Variants in CAMKMT observed in about 807,000 individuals in gnomAD.
CAMKMT encodes the protein calmodulin-lysine N-methyltransferase, also known as CaM KMT.
CAMKMT carries 53 observed loss-of-function variants against 48.0 expected under a neutral mutation model. The ratio of observed to expected loss-of-function variants is 1.10; its 90% CI spans 0.89 to 1.39. CAMKMT has a LOEUF of 1.39. Among genes scored for constraint, CAMKMT ranks in the 40% most tolerant of loss-of-function variants. The probability of loss-of-function intolerance (pLI) is 0.00; values close to 1 mark genes in which losing one functional copy is unlikely to be tolerated. For missense variants in CAMKMT, 428 were observed against 402.7 expected (o/e 1.06, Z -0.54); for synonymous variants, 165 against 152.3 (o/e 1.08, Z -0.61).
intron 9 of CAMKMT, among the ~76,000 whole-genome samples, chr2:44,765,163 G>A (rs1274618632): frequency 6.6e-6 from 1 of 152,132 alleles, no homozygotes; most frequent in African/African-American, 2.4e-5. Context: ...AGGAGGCAGA[G>A]GTTCCAGTGA....
intron 3 of CAMKMT, among the ~76,000 whole-genome samples, chr2:44,580,821 G>A (rs1669515309): frequency 6.6e-6 from 1 of 152,174 alleles, no homozygotes; most frequent in Non-Finnish European, 1.5e-5. Context: ...TTATTTGCTA[G>A]CATTGATCTG....
chr2:44,658,836 T>C (rs1674517851), intron 3 of CAMKMT, among the ~76,000 whole-genome samples: 1 of 152,166 alleles, frequency 6.6e-6, no homozygotes, highest in African/African-American at 2.4e-5. Context: ...GTGGGAGCCA[T>C]TTCATTCATG....
At chr2:44,496,625 C>A (rs1453195282) in intron 3 of CAMKMT, among the ~76,000 whole-genome samples, 1 of 152,142 alleles carries the variant, frequency 6.6e-6, no homozygotes, top group East Asian at 1.9e-4. Flanking sequence ...GATAACCAAG[C>A]CTTTTAGGTA....
intron 6 of CAMKMT, among the ~76,000 whole-genome samples, chr2:44,712,802 C>T (rs952400207): frequency 1.2e-4 from 19 of 152,116 alleles, no homozygotes; most frequent in South Asian, 2.1e-4. Flanking sequence ...GATTGGATTT[C>T]CTTTATTACA....
In CAMKMT at chr2:44,523,459, A is replaced by AT. The variant is rs1234885544; in HGVS notation, c.376+133160dup. On this transcript the variant is annotated intron_variant, in intron 3 of 10. Transcript: ENST00000378494. ...AGGTGCCTGCCACCACACCCAGCTA[A>AT]TTTTTTGCATTTTTTTGTAGAGAAA... 4.6e-5 allele frequency among the ~76,000 whole-genome samples: 7 copies of AT among 151,614 alleles called. No homozygotes were observed. The South Asian group carries it at 1.0e-3, about 23-fold the overall frequency.
intron 3 of CAMKMT, among the ~76,000 whole-genome samples, chr2:44,685,704 A>G (rs1469663811): frequency 3.9e-5 from 6 of 152,176 alleles, no homozygotes; most frequent in Non-Finnish European, 7.3e-5. Context: ...GTGGTTCTCA[A>G]CTCATGCTGC....
At chr2:44,432,217 TC>T (rs966382950) in intron 3 of CAMKMT, among the ~76,000 whole-genome samples, 26 of 152,298 alleles carry the variant, frequency 1.7e-4, no homozygotes, top group African/African-American at 6.0e-4. Context: ...AGAGAAATGT[TC>T]CAGTGGTCTT....
chr2:44,460,709 A>ATAGAT (rs941677151), intron 3 of CAMKMT, among the ~76,000 whole-genome samples: 1 of 144,714 alleles, frequency 6.9e-6, no homozygotes, highest in Non-Finnish European at 1.5e-5. Context: ...TCAGTGAGTG[A>ATAGAT]TAGATTCTTT....
chr2:44,437,198 C>T (rs1003881141), intron 3 of CAMKMT, among the ~76,000 whole-genome samples: 1 of 152,054 alleles, frequency 6.6e-6, no homozygotes, highest in Admixed American at 6.5e-5. Flanking sequence ...GTTCTTTATC[C>T]TTCTTAAGAA....
intron 8 of CAMKMT, among the ~76,000 whole-genome samples, chr2:44,748,387 G>C (rs1225714743): frequency 6.6e-6 from 1 of 152,032 alleles, no homozygotes; most frequent in Non-Finnish European, 1.5e-5. Context: ...CAGTTCTTAA[G>C]GTGCTGTTCA....
chr2:44,463,522 G>A (rs918538361), intron 3 of CAMKMT, among the ~76,000 whole-genome samples: 2 of 152,130 alleles, frequency 1.3e-5, no homozygotes, highest in Non-Finnish European at 2.9e-5. Context: ...TTTTTAGGGG[G>A]TGAAAAAGTA....
In CAMKMT at chr2:44,657,808, A is replaced by C. The variant is rs949815720; in HGVS notation, c.377-46475A>C. On this transcript the variant is annotated intron_variant, in intron 3 of 10. Coordinates refer to ENST00000378494, the MANE Select transcript of CAMKMT (RefSeq NM_024766.5). This position sits in a 1 kb window ranked among gnomAD's most constrained non-coding sequence, Gnocchi z 4.3. ...CTCAAACATTTCTGCTAACCAAAGA[A>C]GGAAAATGAGATTGTACCCCTTTAG... is the stretch of plus-strand genomic sequence containing the variant. 7.2e-5 allele frequency among the ~76,000 whole-genome samples: 11 copies of C among 152,216 alleles called. No individual in the cohort carries two copies. The highest frequency in any genetic ancestry group is 5.2e-4 in the Admixed American group (8 of 15,286).
intron 3 of CAMKMT, among the ~76,000 whole-genome samples, chr2:44,462,853 T>C (rs1667919596): frequency 6.6e-6 from 1 of 152,230 alleles, no homozygotes; most frequent in Non-Finnish European, 1.5e-5. Flanking sequence ...TGCACTTTGT[T>C]AAAGAAACTA....
intron 3 of CAMKMT, among the ~76,000 whole-genome samples, chr2:44,458,546 G>A (rs698793): frequency 0.74 from 112,979 of 152,130 alleles, 42,732 homozygotes; most frequent in African/African-American, 0.83. Flanking sequence ...GAAAAGGTCT[G>A]CTTTCAGGGG....
chr2:44,707,152 C>G (rs1222318426), intron 5 of CAMKMT, among the ~76,000 whole-genome samples: 1 of 151,750 alleles, frequency 6.6e-6, no homozygotes, highest in Non-Finnish European at 1.5e-5. Context: ...CCATCATCCG[C>G]TGTCACAATG....
intron 3 of CAMKMT, among the ~76,000 whole-genome samples, chr2:44,539,414 A>T (rs957620752): frequency 8.5e-5 from 13 of 152,156 alleles, no homozygotes; most frequent in Non-Finnish European, 1.9e-4. Context: ...CCTTTACTTA[A>T]AAGTATTTCA....
At chr2:44,631,530 C>A (rs753144069) in intron 3 of CAMKMT, 1 of 614,486 alleles carries the variant, frequency 1.6e-6, no homozygotes, top group South Asian at 2.0e-5. Context: ...TCTTGATCTC[C>A]TGGACTCAAG....
chr2:44,388,258 G>C (rs1406474645), intron 2 of CAMKMT, among the ~76,000 whole-genome samples: 1 of 152,162 alleles, frequency 6.6e-6, no homozygotes, highest in East Asian at 1.9e-4. Flanking sequence ...TTGTTCTTGA[G>C]CTCGGAATTT....
Position 44,599,115 on chromosome 2 carries a change from T to C in CAMKMT, c.377-105168T>C, listed in dbSNP as rs542765240. Among the ~76,000 whole-genome samples, 39 of 152,280 alleles carry C rather than the reference T, an allele frequency of 2.6e-4. 1 individual carries two copies. The South Asian group carries it at 4.6e-3, about 18-fold the overall frequency. ...TTCCTGATCATTATTTATTAAACAA[T>C]TAGCTTTAACATGTAAGATGGAATG... On this transcript the variant is annotated intron_variant, in intron 3 of 10. Transcript: ENST00000378494.
Sources: allele counts gnomAD v4.1 joint callset (sites outside exome capture counted in the v4.1 genomes callset), GRCh38; gene constraint gnomAD v4.1.1; non-coding constraint Gnocchi (gnomAD v3.1); transcripts MANE v1.5; gene names NCBI Gene and HGNC (gene_info 2026-07-23, HGNC 2026-07-21).